The following RAB30 variants were observed in gnomAD, a reference collection of about 807,000 sequenced individuals.
RAB30 encodes the protein ras-related protein Rab-30.
In RAB30, 9 loss-of-function variants were observed where a neutral mutation model predicts 25.1. That is an observed-to-expected ratio of 0.36 (90% CI 0.22 to 0.63). The LOEUF (loss-of-function observed/expected upper bound fraction) is 0.63, where lower values mean the gene tolerates loss of function less well. RAB30 is among the 20% of genes least tolerant of loss of function. The probability of loss-of-function intolerance (pLI) is 0.69; values close to 1 mark genes in which losing one functional copy is unlikely to be tolerated. For synonymous variants in RAB30, 77 were observed against 86.4 expected, an observed-to-expected ratio of 0.89 and a Z score of 0.60; for missense variants, 140 against 243.5, an observed-to-expected ratio of 0.58 and a Z score of 2.83.
intron 1 of RAB30, among the ~76,000 whole-genome samples, chr11:83,036,395 T>C (rs1412324640): frequency 6.6e-6 from 1 of 152,204 alleles, no homozygotes; most frequent in East Asian, 1.9e-4. Flanking sequence ...CTCGAACTCC[T>C]GACCTCAAGT....
rs1479288179 is a variant in RAB30, at chr11:82,981,232, C to A, written c.*933G>T. 3 of 152,188 alleles carry A rather than the reference C, an allele frequency of 2.0e-5. No homozygotes were observed. The highest frequency in any genetic ancestry group is 2.9e-5 in the Non-Finnish European group (2 of 68,038). The allele number at this position is 152,188 out of a possible 1,614,324, so 9.4% of individuals were successfully genotyped here. The stretch of plus-strand genomic sequence containing the variant: ...ATCTGGTCTGTTTCCTCATACTACT[C>A]AAAATGTGTTAGAGCTAAGTTTTTA... On this transcript the variant is annotated 3_prime_UTR_variant, in exon 5 of 5. Transcript: ENST00000527633.
At chr11:83,018,259 A>G (rs1200725877) in intron 1 of RAB30, among the ~76,000 whole-genome samples, 1 of 147,888 alleles carries the variant, frequency 6.8e-6, no homozygotes, top group East Asian at 2.0e-4. Context: ...AGATTGTGCC[A>G]CTGCACTCTA....
intron 1 of RAB30, among the ~76,000 whole-genome samples, chr11:83,040,282 G>A (rs1337152741): frequency 6.6e-6 from 1 of 152,176 alleles, no homozygotes; most frequent in Admixed American, 6.5e-5. Context: ...TACAGAGAGT[G>A]ATCACATTGA....
intron 1 of RAB30, among the ~76,000 whole-genome samples, chr11:83,028,867 T>C: frequency 6.6e-6 from 1 of 152,076 alleles, no homozygotes; most frequent in East Asian, 1.9e-4. Flanking sequence ...CGAGACCCTA[T>C]CTCCACAAAA....
chr11:82,993,918 C>A, intron 3 of RAB30, 121 bp downstream of exon 3: 1 of 753,988 alleles, frequency 1.3e-6, no homozygotes, highest in Non-Finnish European at 2.2e-6. Flanking sequence ...GCCATTATGG[C>A]TGAGTGCATT....
At chr11:83,042,139 A>G (rs185920085) in intron 1 of RAB30, among the ~76,000 whole-genome samples, 1 of 152,284 alleles carries the variant, frequency 6.6e-6, no homozygotes, top group East Asian at 1.9e-4. Context: ...TCAGGCAGGG[A>G]ACACGCCTTA....
intron 1 of RAB30, among the ~76,000 whole-genome samples, chr11:83,001,461 G>A (rs924110618): frequency 1.3e-5 from 2 of 152,318 alleles, no homozygotes; most frequent in East Asian, 1.9e-4. Flanking sequence ...TTACAGGCAT[G>A]AGCCACCACG....
intron 1 of RAB30, among the ~76,000 whole-genome samples, chr11:83,022,825 G>A (rs1164391951): frequency 1.3e-5 from 2 of 151,906 alleles, no homozygotes; most frequent in Non-Finnish European, 2.9e-5. Context: ...TGATCATTTT[G>A]TTTTTTGTTT....
chr11:83,007,762 C>T (rs551533853), intron 1 of RAB30, among the ~76,000 whole-genome samples: 1 of 152,306 alleles, frequency 6.6e-6, no homozygotes, highest in East Asian at 1.9e-4. Flanking sequence ...GACAAAGAGG[C>T]TCAGATGTGC....
intron 1 of RAB30, among the ~76,000 whole-genome samples, chr11:83,042,058 A>G (rs1477906217): frequency 6.6e-6 from 1 of 151,610 alleles, no homozygotes. Flanking sequence ...ATTAGTTTTT[A>G]ACTTAGAATC....
At chr11:83,032,427 G>A (rs971163851) in intron 1 of RAB30, among the ~76,000 whole-genome samples, 3 of 152,236 alleles carry the variant, frequency 2.0e-5, no homozygotes, top group Admixed American at 6.5e-5. Flanking sequence ...TCAGGGCAGA[G>A]AGTAGACAAA....
At chr11:83,005,476 A>C (rs2127361) in intron 1 of RAB30, among the ~76,000 whole-genome samples, 41,481 of 152,126 alleles carry the variant, frequency 0.27, 6,091 homozygotes, top group East Asian at 0.32. Flanking sequence ...AGAGAGATTA[A>C]TTAGTTCAAA....
intron 1 of RAB30, among the ~76,000 whole-genome samples, chr11:83,051,767 G>A (rs1352592530): frequency 1.3e-5 from 2 of 151,936 alleles, no homozygotes; most frequent in African/African-American, 4.8e-5. Flanking sequence ...CCTGACGTAT[G>A]GTTTACCTAC....
intron 4 of RAB30, among the ~76,000 whole-genome samples, chr11:82,986,635 C>T (rs1049017272): frequency 2.0e-5 from 3 of 152,188 alleles, no homozygotes; most frequent in Non-Finnish European, 4.4e-5. Context: ...TTTGTTACAA[C>T]GTAACATATT....
chr11:83,015,425 C>T (rs985252534), intron 1 of RAB30, among the ~76,000 whole-genome samples: 2 of 147,604 alleles, frequency 1.4e-5, no homozygotes, highest in Admixed American at 1.3e-4. Context: ...GACTTGAGCA[C>T]ATGGGGGGAT....
chr11:83,047,861 T>A (rs1858266424), intron 1 of RAB30, among the ~76,000 whole-genome samples: 1 of 152,100 alleles, frequency 6.6e-6, no homozygotes, highest in South Asian at 2.1e-4. Flanking sequence ...CATTTACAAG[T>A]ACAATACACT....
intron 1 of RAB30, among the ~76,000 whole-genome samples, chr11:83,002,700 T>TGAGGCAG (rs61644809): frequency 0.57 from 86,823 of 151,204 alleles, 25,444 homozygotes; most frequent in African/African-American, 0.72. Flanking sequence ...TTTGGGAGGC[T>TGAGGCAG]GAGGATCATT....
At chr11:83,066,264 C>T (rs1858694159) in intron 1 of RAB30, among the ~76,000 whole-genome samples, 1 of 152,100 alleles carries the variant, frequency 6.6e-6, no homozygotes, top group African/African-American at 2.4e-5. Flanking sequence ...TTTCATAAAG[C>T]TAAATATATT....
intron 1 of RAB30, among the ~76,000 whole-genome samples, chr11:83,051,684 T>TAA (rs34533758): frequency 7.0e-6 from 1 of 142,078 alleles, no homozygotes; most frequent in African/African-American, 2.6e-5. Flanking sequence ...CACTTACAGT[T>TAA]AAAAAAAAAA....
Sources: allele counts gnomAD v4.1 joint callset (sites outside exome capture counted in the v4.1 genomes callset), GRCh38; gene constraint gnomAD v4.1.1; transcripts MANE v1.5; gene names NCBI Gene and HGNC (gene_info 2026-07-23, HGNC 2026-07-21).